The following ANKS1A variants were observed in gnomAD, a reference collection of about 807,000 sequenced individuals.
ANKS1A encodes ankyrin repeat and SAM domain-containing protein 1A.
Under a neutral mutation model 120.3 loss-of-function variants are expected in ANKS1A, and 55 were observed. The observed-to-expected ratio is 0.46, with a 90% CI of 0.37 to 0.57. The LOEUF is 0.57. ANKS1A is among the 20% of genes least tolerant of loss of function. The probability of loss-of-function intolerance (pLI) is 0.00; values close to 1 mark genes in which losing one functional copy is unlikely to be tolerated. For missense variants in ANKS1A, 1,123 were observed against 1,480.3 expected (o/e 0.76, Z 3.96); for synonymous variants, 590 against 604.7 (o/e 0.98, Z 0.36).
chr6:35,041,955 T>C (rs1276622676), intron 11 of ANKS1A, among the ~76,000 whole-genome samples: 1 of 152,110 alleles, frequency 6.6e-6, no homozygotes. Flanking sequence ...AATACTGACA[T>C]AGATGGTAGG....
intron 2 of ANKS1A, among the ~76,000 whole-genome samples, chr6:34,969,586 G>A (rs1771078170): frequency 6.6e-6 from 1 of 152,164 alleles, no homozygotes. Flanking sequence ...TGGCCTCTCT[G>A]CTTTCAGCTC....
intron 1 of ANKS1A, among the ~76,000 whole-genome samples, chr6:34,898,074 C>G (rs1301992670): frequency 6.6e-6 from 1 of 152,186 alleles, no homozygotes; most frequent in Non-Finnish European, 1.5e-5. Context: ...GCATATAATG[C>G]CTGGCACATG....
At chr6:35,070,232 C>A (rs2127597896) in intron 13 of ANKS1A, among the ~76,000 whole-genome samples, 1 of 152,186 alleles carries the variant, frequency 6.6e-6, no homozygotes, top group East Asian at 1.9e-4. Flanking sequence ...TCAGCTCTTG[C>A]AGTCTGGTGC....
chr6:34,918,608 A>T (rs1768285235), intron 1 of ANKS1A, among the ~76,000 whole-genome samples: 1 of 152,178 alleles, frequency 6.6e-6, no homozygotes, highest in African/African-American at 2.4e-5. Flanking sequence ...GTATCTCAGG[A>T]TCGGTTCCAT....
chr6:34,982,942 C>T lies in ANKS1A; in HGVS notation c.808+115C>T, dbSNP rs1771978835. On this transcript the variant is annotated intron_variant, in intron 5 of 23. Coordinates refer to ENST00000360359, the MANE Select transcript of ANKS1A (RefSeq NM_015245.3). The surrounding 1 kb of genome is among the most constrained non-coding windows in gnomAD (Gnocchi z 4.9). ...GTTTGAACTCAATGTATGTGTATCT[C>T]CACTGGTTGATTACAAGTGTGTAAA... 1 of 1,330,818 alleles carries T rather than the reference C, an allele frequency of 7.5e-7. No homozygotes were observed. Among genetic ancestry groups the T allele is most frequent in the Non-Finnish European group, 1.1e-6 (1 of 928,330 alleles). 82.4% of individuals were successfully genotyped at this position (1,330,818 alleles called of 1,614,324 possible).
intron 12 of ANKS1A, among the ~76,000 whole-genome samples, chr6:35,059,037 C>T (rs572567651): frequency 3.9e-5 from 6 of 152,258 alleles, no homozygotes; most frequent in African/African-American, 1.4e-4. Context: ...GCTCAGCTGA[C>T]AGAGGACCAC....
At chr6:35,076,110 G>C (rs1295721708) in intron 13 of ANKS1A, among the ~76,000 whole-genome samples, 1 of 152,132 alleles carries the variant, frequency 6.6e-6, no homozygotes, top group Non-Finnish European at 1.5e-5. Flanking sequence ...ACGCAGAAAA[G>C]ACCGACAACT....
chr6:34,978,084 G>T (rs1481778586), intron 3 of ANKS1A, among the ~76,000 whole-genome samples: 6 of 151,992 alleles, frequency 3.9e-5, no homozygotes, highest in Non-Finnish European at 8.8e-5. Context: ...TCAGCATCCT[G>T]AGTAGGTGGG....
Position 35,010,168 on chromosome 6 carries a change from A to AAAT in ANKS1A, c.1424-7292_1424-7290dup, listed in dbSNP as rs1361553676. Among the ~76,000 whole-genome samples, 17 of 152,144 alleles carry AAAT rather than the reference A, an allele frequency of 1.1e-4. No homozygotes were observed. In the East Asian group the frequency reaches 1.7e-3, roughly 16 times the overall value. On this transcript the variant is annotated intron_variant, in intron 10 of 23. Coordinates refer to ENST00000360359, the MANE Select transcript of ANKS1A (RefSeq NM_015245.3). Reference sequence around the variant, plus strand: ...GCGACAGAGTGAGACCCTATCTCCAAAATAATAATAATAATTTTTTTTTTA... The same window carrying AAAT: ...GCGACAGAGTGAGACCCTATCTCCAAAATAATAATAATAATAATTTTTTTTTTA...
chr6:34,894,753 A>G (rs1766989829), intron 1 of ANKS1A, among the ~76,000 whole-genome samples: 1 of 152,236 alleles, frequency 6.6e-6, no homozygotes, highest in African/African-American at 2.4e-5. Context: ...ATATGAATGG[A>G]AAAGTAAAGT....
At chr6:34,948,012 CCT>C (rs1769886605) in intron 1 of ANKS1A, among the ~76,000 whole-genome samples, 1 of 151,950 alleles carries the variant, frequency 6.6e-6, no homozygotes, top group Non-Finnish European at 1.5e-5. Context: ...GTGAGAAAAA[CCT>C]GGACTTAGTT....
At chr6:35,019,308 C>T (rs556766062) in intron 11 of ANKS1A, among the ~76,000 whole-genome samples, 1 of 152,170 alleles carries the variant, frequency 6.6e-6, no homozygotes, top group Non-Finnish European at 1.5e-5. Flanking sequence ...GGGAACACTA[C>T]AGCTGACATG....
At chr6:34,933,559 G>A (rs1346948365) in intron 1 of ANKS1A, among the ~76,000 whole-genome samples, 2 of 152,206 alleles carry the variant, frequency 1.3e-5, no homozygotes, top group South Asian at 2.1e-4. Context: ...TAGTAGAGAC[G>A]GGGTTTCTCC....
At chr6:35,054,586 G>A (rs1414461008) in intron 12 of ANKS1A, among the ~76,000 whole-genome samples, 3 of 152,182 alleles carry the variant, frequency 2.0e-5, no homozygotes, top group Non-Finnish European at 4.4e-5. Flanking sequence ...TCTCAGACTC[G>A]TAGCATGCAT....
intron 10 of ANKS1A, among the ~76,000 whole-genome samples, chr6:35,000,032 T>C (rs1266016226): frequency 6.6e-6 from 1 of 152,158 alleles, no homozygotes; most frequent in Non-Finnish European, 1.5e-5. Context: ...TATACCCTAT[T>C]CCTTTAAAAG....
chr6:35,052,733 T>C (rs72896287), intron 11 of ANKS1A, among the ~76,000 whole-genome samples: 2,554 of 151,628 alleles, frequency 0.017, 45 homozygotes, highest in Non-Finnish European at 0.026. Context: ...GAAACAGACA[T>C]GGCCAGAGAA....
At chr6:35,087,449 T>C (rs573208289) in intron 23 of ANKS1A, among the ~76,000 whole-genome samples, 3 of 152,162 alleles carry the variant, frequency 2.0e-5, no homozygotes, top group Non-Finnish European at 4.4e-5. Flanking sequence ...TGGGCTGGGC[T>C]CTGTGTGGCT....
In ANKS1A at chr6:34,994,339, C is replaced by A; in HGVS notation, c.1340C>A (p.Ala447Asp). 1.9e-6 allele frequency: 3 copies of A among 1,613,646 alleles called. No homozygotes were observed. The highest frequency in any genetic ancestry group is 2.5e-6 in the Non-Finnish European group (3 of 1,179,690). ...AGACCTAGGATTCATGGGAGTGCAG[C>A]CCGGGAAGAAGACGAACACCCTTAT... is the stretch of plus-strand genomic sequence containing the variant. ...SMRPRIHGSA[A>D]REEDEHPYEL... Residue 447 changes from alanine (A) to aspartate (D), a missense_variant, in exon 10 of 24, where the codon GCC (alanine) becomes GAC (aspartate). This residue lies in a region of ANKS1A where 904 missense variants were observed against 1,130.4 expected (regional missense o/e 0.80). Transcript: ENST00000360359.
intron 13 of ANKS1A, among the ~76,000 whole-genome samples, chr6:35,061,422 G>A (rs1485876664): frequency 6.6e-6 from 1 of 152,242 alleles, no homozygotes; most frequent in South Asian, 2.1e-4. Context: ...CGCTGCCTCA[G>A]TTGAGGGCTG....
Sources: gnomAD v4.1 joint callset for allele counts (sites outside exome capture counted in the v4.1 genomes callset) on GRCh38, gnomAD v4.1.1 for gene constraint, gnomAD v4.1.1 regional missense constraint, Gnocchi (gnomAD v3.1) non-coding constraint, MANE v1.5 for transcripts, NCBI Gene and HGNC (gene_info 2026-07-23, HGNC 2026-07-21) for gene names.